The following SLC4A5 variants were observed in gnomAD, a reference collection of about 807,000 sequenced individuals.
The protein encoded by SLC4A5 is electrogenic sodium bicarbonate cotransporter 4.
SLC4A5 carries 96 observed loss-of-function variants against 120.4 expected under a neutral mutation model. The observed-to-expected ratio is 0.80, with a 90% CI of 0.68 to 0.94. SLC4A5 has a LOEUF of 0.94. Ranked by LOEUF, SLC4A5 falls within the 40% of genes least tolerant of loss-of-function variation. SLC4A5 has a pLI of 0.00. For synonymous variants in SLC4A5, 550 were observed against 571.1 expected (o/e 0.96, Z 0.53); for missense variants, 1,259 against 1,459.5 (o/e 0.86, Z 2.24).
chr2:74,233,559 G>A (rs574991073), exon 23 of SLC4A5: 16 of 1,611,444 alleles, frequency 9.9e-6, no homozygotes, highest in Non-Finnish European at 1.3e-5. Flanking sequence ...GTCAGGCCGC[G>A]TTGGCTGAGT....
intron 30 of SLC4A5, among the ~76,000 whole-genome samples, chr2:74,219,952 T>C (rs2103860512): frequency 6.6e-6 from 1 of 152,284 alleles, no homozygotes; most frequent in African/African-American, 2.4e-5. Flanking sequence ...CACCCTGGCA[T>C]TGGGATAGCA....
At chr2:74,221,095 G>C (rs1436400443) in intron 30 of SLC4A5, among the ~76,000 whole-genome samples, 2 of 151,712 alleles carry the variant, frequency 1.3e-5, no homozygotes, top group African/African-American at 4.8e-5. Flanking sequence ...CACCCGCCTT[G>C]GCCTCCGAAA....
intron 8 of SLC4A5, among the ~76,000 whole-genome samples, chr2:74,274,817 C>T (rs3771726): frequency 0.34 from 52,438 of 152,158 alleles, 12,918 homozygotes; most frequent in East Asian, 0.75. Context: ...ATTCTCTCCT[C>T]ATGGGCAGAT....
chr2:74,246,636 GCT>G (rs1173496381), intron 19 of SLC4A5, among the ~76,000 whole-genome samples: 3 of 152,226 alleles, frequency 2.0e-5, no homozygotes, highest in South Asian at 2.1e-4. Context: ...CACACGGGCA[GCT>G]CTGTCTTGGG....
At chr2:74,291,208 G>T (rs1225860367) in intron 7 of SLC4A5, among the ~76,000 whole-genome samples, 1 of 152,228 alleles carries the variant, frequency 6.6e-6, no homozygotes, top group Non-Finnish European at 1.5e-5. Flanking sequence ...TGTTTTCTGA[G>T]AGCCCACGGA....
Position 74,258,967 on chromosome 2 carries a change from A to T in SLC4A5, c.867+621T>A, listed in dbSNP as rs577994004. ...TCCTGGGGAGATAGACAAGGGGACC[A>T]TGGGGCCTCCTGTCCTTGAGGTATG... is the stretch of plus-strand genomic sequence containing the variant. On this transcript the variant is annotated intron_variant, in intron 12 of 30. Coordinates refer to ENST00000394019, the Ensembl canonical transcript of SLC4A5. Among the ~76,000 whole-genome samples the T allele has an allele frequency of 2.6e-5, 4 of 152,248 alleles. No homozygotes were observed. In the South Asian group the frequency reaches 8.3e-4, roughly 32 times the overall value.
At chr2:74,296,889 A>T (rs1191927821) in intron 7 of SLC4A5, among the ~76,000 whole-genome samples, 7 of 152,076 alleles carry the variant, frequency 4.6e-5, no homozygotes, top group Non-Finnish European at 1.0e-4. Flanking sequence ...TTAGAGATAA[A>T]CTTATTTTCT....
At chr2:74,302,525 G>A (rs555460610) in intron 7 of SLC4A5, among the ~76,000 whole-genome samples, 27 of 152,320 alleles carry the variant, frequency 1.8e-4, no homozygotes, top group African/African-American at 5.5e-4. Context: ...GCTGAGGCAC[G>A]AGAATCACTT....
chr2:74,306,459 G>A (rs1327984322), intron 6 of SLC4A5, among the ~76,000 whole-genome samples: 4 of 152,032 alleles, frequency 2.6e-5, no homozygotes, highest in African/African-American at 9.7e-5. Flanking sequence ...GACCCAAATC[G>A]GCCAGAAACC....
At chr2:74,279,978 C>G (rs1315100285) in intron 8 of SLC4A5, among the ~76,000 whole-genome samples, 22 of 152,150 alleles carry the variant, frequency 1.4e-4, no homozygotes, top group Admixed American at 1.4e-3. Context: ...AGTCTTGCCC[C>G]CTTTTATCCA....
At chr2:74,272,232 T>A (rs1186213342) in intron 8 of SLC4A5, among the ~76,000 whole-genome samples, 1 of 152,174 alleles carries the variant, frequency 6.6e-6, no homozygotes, top group African/African-American at 2.4e-5. Context: ...AGAATTGCTA[T>A]GAGTTAGCTG....
At chr2:74,247,761 C>T (rs945840189) in intron 18 of SLC4A5, among the ~76,000 whole-genome samples, 6 of 152,170 alleles carry the variant, frequency 3.9e-5, no homozygotes, top group South Asian at 2.1e-4. Flanking sequence ...GTGATCCGCC[C>T]GCCCCAGCCT....
At chr2:74,303,045 T>TGC (rs1553458339) in intron 7 of SLC4A5, among the ~76,000 whole-genome samples, 2 of 147,130 alleles carry the variant, frequency 1.4e-5, no homozygotes, top group Non-Finnish European at 3.0e-5. Context: ...TGTGTGTGTG[T>TGC]GCATGTGGAA....
At chr2:74,290,620 A>G (rs1408793434) in intron 7 of SLC4A5, 39 of 846,794 alleles carry the variant, frequency 4.6e-5, no homozygotes, top group Non-Finnish European at 4.9e-5. Context: ...GAGACAGAGA[A>G]GTGAGAGAGA....
intron 6 of SLC4A5, among the ~76,000 whole-genome samples, chr2:74,310,101 C>A (rs1672762511): frequency 6.6e-6 from 1 of 152,202 alleles, no homozygotes; most frequent in South Asian, 2.1e-4. Flanking sequence ...ATTTCAAATT[C>A]CAATGGCTGG....
At chr2:74,276,682 G>A (rs1242843526) in intron 8 of SLC4A5, among the ~76,000 whole-genome samples, 1 of 152,216 alleles carries the variant, frequency 6.6e-6, no homozygotes, top group Non-Finnish European at 1.5e-5. Flanking sequence ...ATTACTACAG[G>A]TATGAAAGAC....
chr2:74,224,920 T>G (rs1694789357), exon 28 of SLC4A5: 3 of 1,614,058 alleles, frequency 1.9e-6, no homozygotes, highest in Non-Finnish European at 2.5e-6. Context: ...TCTGGGAGGA[T>G]GTTGTCAATC....
chr2:74,305,136 T>A (rs1044358315), intron 6 of SLC4A5, among the ~76,000 whole-genome samples: 11 of 152,190 alleles, frequency 7.2e-5, no homozygotes, highest in African/African-American at 9.7e-5. Context: ...AAAAGTGAGT[T>A]ATTGAGGGTT....
At chr2:74,290,500 A>G in intron 7 of SLC4A5, 3 of 985,042 alleles carry the variant, frequency 3.0e-6, no homozygotes, top group Non-Finnish European at 3.6e-6. Context: ...ATATGTAGAG[A>G]GAATATAGGT....
Sources: allele counts gnomAD v4.1 joint callset (sites outside exome capture counted in the v4.1 genomes callset), GRCh38; gene constraint gnomAD v4.1.1; transcripts MANE v1.5; gene names NCBI Gene and HGNC (gene_info 2026-07-23, HGNC 2026-07-21).